COA3: variants seen among roughly 807,000 people sequenced by gnomAD.
COA3 encodes cytochrome c oxidase assembly factor 3.
Under a neutral mutation model 10.1 loss-of-function variants are expected in COA3, and 10 were observed. That is an observed-to-expected ratio of 0.99 (90% CI 0.61 to 1.67). COA3 has a LOEUF of 1.67. Among genes scored for constraint, COA3 ranks in the 40% most tolerant of loss-of-function variants. The pLI is 0.00. For missense variants in COA3, 142 were observed against 140.7 expected (o/e 1.01, Z -0.05); for synonymous variants, 57 against 63.1 (o/e 0.90, Z 0.46).
chr17:42,798,338 A>G, intron 1 of COA3, 130 bp downstream of exon 1: 2 of 1,006,248 alleles, frequency 2.0e-6, no homozygotes, highest in East Asian at 2.4e-5. Flanking sequence ...TTAAAAGAGT[A>G]CCTTAGGAAT....
chr17:42,797,971 G>A lies in COA3; in HGVS notation c.*90C>T. The A allele has an allele frequency of 4.7e-6, 4 of 854,174 alleles. No homozygotes were observed. Among genetic ancestry groups the A allele is most frequent in the Non-Finnish European group, 7.6e-6 (4 of 524,050 alleles). The allele number at this position is 854,174 out of a possible 1,614,324, so 52.9% of individuals were successfully genotyped here. A position where few individuals can be genotyped will look rare whatever the true frequency, so the allele number is the denominator to read the frequency against. The stretch of plus-strand genomic sequence containing the variant: ...TTAGTAAGAAGGCCAACAATGTTGT[G>A]AGCAGGATTCAATTTCTACAGGGTC... On this transcript the variant is annotated 3_prime_UTR_variant, in exon 2 of 2. Coordinates refer to ENST00000328434, the MANE Select transcript of COA3 (RefSeq NM_001040431.3).
chr17:42,798,392 T>C, intron 1 of COA3, 76 bp downstream of exon 1: 1 of 1,428,000 alleles, frequency 7.0e-7, no homozygotes, highest in Non-Finnish European at 9.7e-7. Flanking sequence ...ATTAAACGGG[T>C]GGTTCAGCCC....
Position 42,798,551 on chromosome 17 carries a change from G to A in COA3, c.131C>T (p.Ala44Val). 1.2e-6 allele frequency: 2 copies of A among 1,613,848 alleles called. No individual in the cohort carries two copies. Among genetic ancestry groups the A allele is most frequent in the Non-Finnish European group, 1.7e-6 (2 of 1,180,040 alleles). ...CCGTGGTAGGACCTTCTGCCACTGGGCAAGCTCCGCCTGCCGCATGGAATG... is the reference window on the plus strand; with the variant it reads ...CCGTGGTAGGACCTTCTGCCACTGGACAAGCTCCGCCTGCCGCATGGAATG... Reference protein sequence around the residue: ...QLHSMRQAELAQWQKVLPRRR... With the variant: ...QLHSMRQAELVQWQKVLPRRR... Residue 44 changes from alanine (A) to valine (V), a missense_variant, in exon 1 of 2, where the codon GCC becomes GTC. Transcript: ENST00000328434.
Position 42,798,482 on chromosome 17 carries a change from A to AG in COA3, c.199dup (p.Leu67ProfsTer21), listed in dbSNP as rs757472611. On this transcript the variant is annotated frameshift_variant, in exon 1 of 2. Coordinates refer to ENST00000328434, the MANE Select transcript of COA3 (RefSeq NM_001040431.3). LOFTEE classifies it high-confidence loss of function. ...CGGACGGATACAAATAGCCAACACC[A>AG]GGGCCCCGATGCCTAGGCCGGTCAC... 1.9e-6 allele frequency: 3 copies of AG among 1,612,960 alleles called. No individual in the cohort carries two copies. The highest frequency in any genetic ancestry group is 2.5e-6 in the Non-Finnish European group (3 of 1,180,028).
rs1171565187 is a variant in COA3, at chr17:42,797,989, A to G, written c.*72T>C. 1.0e-6 allele frequency: 1 copy of G among 1,002,118 alleles called. No homozygotes were observed. Among genetic ancestry groups the G allele is most frequent in the Non-Finnish European group, 1.5e-6 (1 of 646,284 alleles). The allele number at this position is 1,002,118 out of a possible 1,614,324, so 62.1% of individuals were successfully genotyped here. On this transcript the variant is annotated 3_prime_UTR_variant, in exon 2 of 2. Transcript: ENST00000328434. ...ATGTTGTGAGCAGGATTCAATTTCT[A>G]CAGGGTCATGGGGCATCATCCACCA... is the stretch of plus-strand genomic sequence containing the variant.
At position 42,798,536 on chromosome 17, in the gene COA3, A is replaced by T. The variant is rs2054713195; in HGVS notation, c.146T>A (p.Val49Asp). 3.7e-6 allele frequency: 6 copies of T among 1,613,686 alleles called. No individual in the cohort carries two copies. The Middle Eastern group carries it at 4.9e-4, about 133-fold the overall frequency. The change falls in exon 1 of 2, where the codon GTC (valine) becomes GAC (aspartate). Residue 49 changes from valine to aspartate, a missense_variant. By Grantham distance (152) the Val-to-Asp change is radical. Coordinates refer to ENST00000328434, the MANE Select transcript of COA3 (RefSeq NM_001040431.3). ...GTTCCGGGTTCGCCGCCGTGGTAGG[A>T]CCTTCTGCCACTGGGCAAGCTCCGC... ...RQAELAQWQK[V>D]LPRRRTRNIV...
chr17:42,798,414 C>G, intron 1 of COA3, 54 bp downstream of exon 1: 1 of 1,576,914 alleles, frequency 6.3e-7, no homozygotes. Flanking sequence ...CTTGCACACT[C>G]TGTTCCCCTG....
rs149178055 is a variant in COA3 at position 42,798,642 on chromosome 17, G to T, written c.40C>A (p.Arg14Ser). The T allele has an allele frequency of 3.1e-6, 5 of 1,613,858 alleles. No homozygotes were observed. The African/African-American group carries it at 5.3e-5, about 17-fold the overall frequency. ...CGCTGAGCGAACGGGGCCTCTCCAC[G>T]CTTAGAATCCAGAGGGTCACCAGCT... is the stretch of plus-strand genomic sequence containing the variant. ...SGAGDPLDSK[R>S]GEAPFAQRID... Residue 14 changes from arginine to serine, a missense_variant, in exon 1 of 2, where the codon CGT becomes AGT. Coordinates refer to ENST00000328434, the MANE Select transcript of COA3 (RefSeq NM_001040431.3).
chr17:42,798,182 T>C lies in COA3; in HGVS notation c.215-15A>G. The C allele has an allele frequency of 1.3e-6, 2 of 1,556,430 alleles. No homozygotes were observed. The highest frequency in any genetic ancestry group is 1.8e-6 in the Non-Finnish European group (2 of 1,127,902). On this transcript the variant is annotated splice_polypyrimidine_tract_variant and intron_variant, in intron 1 of 1. Coordinates refer to ENST00000328434, the MANE Select transcript of COA3 (RefSeq NM_001040431.3). ...GGTGTAACCATCTGGGGAGGTAGGT[T>C]CAGGAAACCACACAGAATATGCACA... is the stretch of plus-strand genomic sequence containing the variant.
In COA3 at chr17:42,797,749, G is replaced by C. The variant is rs533617789; in HGVS notation, c.*312C>G. On this transcript the variant is annotated 3_prime_UTR_variant, in exon 2 of 2. Coordinates refer to ENST00000328434, the MANE Select transcript of COA3 (RefSeq NM_001040431.3). ...CTCGTAACAACTGCGTCCCTGGAAG[G>C]TGAAGGGGGTAAACCACAAAGTCAG... 3 of 261,964 alleles carry C rather than the reference G, an allele frequency of 1.1e-5. No homozygotes were observed. Among genetic ancestry groups the C allele is most frequent in the Admixed American group, 5.0e-5 (1 of 19,900 alleles). 16.2% of individuals were successfully genotyped at this position (261,964 alleles called of 1,614,324 possible).
chr17:42,798,234 A>G lies in COA3; in HGVS notation c.215-67T>C. 3 of 1,172,694 alleles carry G rather than the reference A, an allele frequency of 2.6e-6. No homozygotes were observed. In the East Asian group the frequency reaches 7.1e-5, roughly 28 times the overall value. The allele number at this position is 1,172,694 out of a possible 1,614,324, so 72.6% of individuals were successfully genotyped here. A position where few individuals can be genotyped will look rare whatever the true frequency, so the allele number is the denominator to read the frequency against. On this transcript the variant is annotated intron_variant, in intron 1 of 1. Coordinates refer to ENST00000328434, the MANE Select transcript of COA3 (RefSeq NM_001040431.3). ...TCCCCTTTCCTAGATTTGCTCTACCACTCTTGTTACTCTCCCAAATCAGTG... is the reference window on the plus strand; with the variant it reads ...TCCCCTTTCCTAGATTTGCTCTACCGCTCTTGTTACTCTCCCAAATCAGTG...
rs1310001773 is a variant in COA3 at position 42,798,118 on chromosome 17, T to C, written c.264A>G (p.Leu88=). Residue 88 remains leucine, a synonymous_variant, in exon 2 of 2, where the codon CTA becomes CTG. Transcript: ENST00000328434. The part of the protein sequence containing the change: ...SISQERFLDE[L]EDEAKAARAR... Reference sequence around the variant, plus strand: ...CTCGGGCAGCTTTGGCCTCGTCTTCTAGCTCATCTAGGAAACGCTCCTGGG... The same window carrying C: ...CTCGGGCAGCTTTGGCCTCGTCTTCCAGCTCATCTAGGAAACGCTCCTGGG... The C allele has an allele frequency of 3.1e-6, 5 of 1,614,156 alleles. No individual in the cohort carries two copies. The highest frequency in any genetic ancestry group is 4.2e-6 in the Non-Finnish European group (5 of 1,180,018).
At chr17:42,798,368 C>T in intron 1 of COA3, 100 bp downstream of exon 1, 1 of 1,198,598 alleles carries the variant, frequency 8.3e-7, no homozygotes, top group East Asian at 2.3e-5. Context: ...AAGTACTACC[C>T]ATTTTACCCC....
At chr17:42,798,343 A>G in intron 1 of COA3, 125 bp downstream of exon 1, 1 of 1,029,148 alleles carries the variant, frequency 9.7e-7, no homozygotes, top group Non-Finnish European at 1.4e-6. Flanking sequence ...AGAGTACCTT[A>G]GGAATAACAA....
rs763072979 is a variant in COA3, at chr17:42,798,509, A to G, written c.173T>C (p.Ile58Thr). The G allele has an allele frequency of 4.3e-6, 7 of 1,613,878 alleles. No individual in the cohort carries two copies. Among genetic ancestry groups the G allele is most frequent in the Non-Finnish European group, 5.9e-6 (7 of 1,180,024 alleles). ...KVLPRRRTRN[I>T]VTGLGIGALV... ...GGCCCCGATGCCTAGGCCGGTCACG[A>G]TGTTCCGGGTTCGCCGCCGTGGTAG... Residue 58 changes from isoleucine (I) to threonine (T), a missense_variant, in exon 1 of 2, where the codon ATC becomes ACC. Coordinates refer to ENST00000328434, the MANE Select transcript of COA3 (RefSeq NM_001040431.3).
chr17:42,798,496 T>G lies in COA3; in HGVS notation c.186A>C (p.Leu62=), dbSNP rs1567657720. Residue 62 remains leucine, a synonymous_variant, in exon 1 of 2, where the codon CTA becomes CTC. Transcript: ENST00000328434. ...TAGCCAACACCAGGGCCCCGATGCCTAGGCCGGTCACGATGTTCCGGGTTC... is the reference window on the plus strand; with the variant it reads ...TAGCCAACACCAGGGCCCCGATGCCGAGGCCGGTCACGATGTTCCGGGTTC... The part of the protein sequence containing the change: ...RRRTRNIVTG[L]GIGALVLAIY... The G allele has an allele frequency of 6.2e-7, 1 of 1,613,750 alleles. No homozygotes were observed. Among genetic ancestry groups the G allele is most frequent in the Non-Finnish European group, 8.5e-7 (1 of 1,180,026 alleles).
chr17:42,797,973 G>A lies in COA3; in HGVS notation c.*88C>T. On this transcript the variant is annotated 3_prime_UTR_variant, in exon 2 of 2. Coordinates refer to ENST00000328434, the MANE Select transcript of COA3 (RefSeq NM_001040431.3). ...AGTAAGAAGGCCAACAATGTTGTGA[G>A]CAGGATTCAATTTCTACAGGGTCAT... 1 of 864,762 alleles carries A rather than the reference G, an allele frequency of 1.2e-6. No individual in the cohort carries two copies. The highest frequency in any genetic ancestry group is 1.9e-6 in the Non-Finnish European group (1 of 532,388). The allele number at this position is 864,762 out of a possible 1,614,324, so 53.6% of individuals were successfully genotyped here. A position where few individuals can be genotyped will look rare whatever the true frequency, so the allele number is the denominator to read the frequency against.
At position 42,798,495 on chromosome 17, in the gene COA3, C is replaced by G. The variant is rs1411231841; in HGVS notation, c.187G>C (p.Gly63Arg). 6.2e-7 allele frequency: 1 copy of G among 1,613,784 alleles called. No homozygotes were observed. The highest frequency in any genetic ancestry group is 8.5e-7 in the Non-Finnish European group (1 of 1,180,048). The change falls in exon 1 of 2, where the codon GGC becomes CGC. Residue 63 changes from glycine to arginine, a missense_variant. Transcript: ENST00000328434. ...RRTRNIVTGL[G>R]IGALVLAIYG... is the part of the protein sequence containing the mutation. ...ATAGCCAACACCAGGGCCCCGATGC[C>G]TAGGCCGGTCACGATGTTCCGGGTT...
rs1450027177 is a variant in COA3, at chr17:42,798,462, G to A, written c.214+6C>T. ...GTCCCCTTGAGTCTACAACACGGAC[G>A]GATACAAATAGCCAACACCAGGGCC... On this transcript the variant is annotated splice_donor_region_variant and intron_variant, in intron 1 of 1. Transcript: ENST00000328434. 1.9e-6 allele frequency: 3 copies of A among 1,610,886 alleles called. No individual in the cohort carries two copies. Among genetic ancestry groups the A allele is most frequent in the Admixed American group, 1.7e-5 (1 of 59,998 alleles).
Sources: allele counts gnomAD v4.1 joint callset, GRCh38; gene constraint gnomAD v4.1.1; transcripts MANE v1.5; gene names NCBI Gene and HGNC (gene_info 2026-07-23, HGNC 2026-07-21).